ARID4A: variants seen among roughly 807,000 people sequenced by gnomAD.
ARID4A encodes the protein AT-rich interactive domain-containing protein 4A.
In ARID4A, 39 loss-of-function variants were observed where a neutral mutation model predicts 148.6. The observed-to-expected ratio is 0.26, with a 90% CI of 0.20 to 0.34. The LOEUF (loss-of-function observed/expected upper bound fraction) is 0.34, where lower values mean the gene tolerates loss of function less well. Among genes scored for constraint, ARID4A ranks in the 10% least tolerant of loss-of-function variants. ARID4A has a pLI of 1.00. For synonymous variants in ARID4A, 475 were observed against 481.2 expected, an observed-to-expected ratio of 0.99 and a Z score of 0.17; for missense variants, 1,265 against 1,449.1, an observed-to-expected ratio of 0.87 and a Z score of 2.06.
At chr14:58,314,534 T>A (rs73308787) in intron 5 of ARID4A, among the ~76,000 whole-genome samples, 2,609 of 152,310 alleles carry the variant, frequency 0.017, 85 homozygotes, top group African/African-American at 0.059. Context: ...CATGTGATCC[T>A]CCTACCTCAG....
chr14:58,323,721 G>A, intron 8 of ARID4A, 104 bp downstream of exon 8: 5 of 971,390 alleles, frequency 5.1e-6, no homozygotes, highest in Non-Finnish European at 7.7e-6. Flanking sequence ...AAACAAATTT[G>A]GACTTTATTG....
At chr14:58,344,601 T>C in intron 11 of ARID4A, 94 bp from the exon 12 acceptor site, 3 of 838,678 alleles carry the variant, frequency 3.6e-6, no homozygotes, top group Non-Finnish European at 5.5e-6. Flanking sequence ...TTTATTAAAA[T>C]TTGATGACTT....
chr14:58,310,532 C>G (rs1351167931), intron 5 of ARID4A, among the ~76,000 whole-genome samples: 4 of 152,102 alleles, frequency 2.6e-5, no homozygotes, highest in Admixed American at 6.6e-5. Flanking sequence ...AGGACAGTCT[C>G]TTCGTAAATG....
intron 12 of ARID4A, 123 bp from the exon 13 acceptor site, chr14:58,346,288 G>T (rs1417764485): frequency 2.3e-5 from 13 of 562,476 alleles, no homozygotes; most frequent in Non-Finnish European, 3.7e-5. Context: ...CATTGTTTAA[G>T]GCTCTTTAAA....
chr14:58,341,390 T>C (rs925706031), intron 11 of ARID4A, among the ~76,000 whole-genome samples: 2 of 152,260 alleles, frequency 1.3e-5, no homozygotes, highest in Non-Finnish European at 2.9e-5. Context: ...GCCCATTTGC[T>C]GTAGCTCCAG....
At position 58,365,233 on chromosome 14, in the gene ARID4A, A is replaced by T; in HGVS notation, c.3144A>T (p.Gly1048=). The T allele has an allele frequency of 6.2e-7, 1 of 1,614,098 alleles. No individual in the cohort carries two copies. The highest frequency in any genetic ancestry group is 8.5e-7 in the Non-Finnish European group (1 of 1,179,990). Residue 1048 remains glycine, a synonymous_variant, in exon 20 of 24, where the codon GGA becomes GGT. Coordinates refer to ENST00000355431, the MANE Select transcript of ARID4A (RefSeq NM_002892.4). ...EGLCERESAN[G]FETNVASGTC... The stretch of plus-strand genomic sequence containing the variant: ...TCTGTGAGAGGGAATCGGCAAATGG[A>T]TTTGAAACTAATGTTGCCTCTGGTA...
intron 4 of ARID4A, among the ~76,000 whole-genome samples, chr14:58,305,787 T>C (rs907055121): frequency 2.6e-5 from 4 of 152,174 alleles, no homozygotes; most frequent in African/African-American, 9.7e-5. Flanking sequence ...TGAACGGCAA[T>C]TTTCAGTGTG....
In ARID4A at chr14:58,372,739, G is replaced by A. The variant is rs2035664293; in HGVS notation, c.*750G>A. ...TGTCTTTTTTCTATGTAATTTCAGA[G>A]TTTTTATTTTGTTACAAAAAGACAA... On this transcript the variant is annotated 3_prime_UTR_variant, in exon 24 of 24. Transcript: ENST00000355431. 1 of 182,666 alleles carries A rather than the reference G, an allele frequency of 5.5e-6. No homozygotes were observed. The highest frequency in any genetic ancestry group is 6.3e-5 in the Admixed American group (1 of 15,920). 11.3% of individuals were successfully genotyped at this position (182,666 alleles called of 1,614,324 possible).
intron 11 of ARID4A, among the ~76,000 whole-genome samples, chr14:58,341,472 A>G (rs1242702440): frequency 1.3e-5 from 2 of 152,188 alleles, no homozygotes; most frequent in Non-Finnish European, 2.9e-5. Context: ...AAAACCATTC[A>G]TTCCCTCACT....
intron 5 of ARID4A, among the ~76,000 whole-genome samples, chr14:58,317,140 C>G (rs1223521639): frequency 3.5e-5 from 5 of 142,338 alleles, no homozygotes; most frequent in Non-Finnish European, 6.1e-5. Context: ...TTGCAGTGAG[C>G]TGAGATCGCG....
intron 19 of ARID4A, among the ~76,000 whole-genome samples, chr14:58,363,520 C>CA (rs1466753065): frequency 6.6e-6 from 1 of 151,924 alleles, no homozygotes; most frequent in Non-Finnish European, 1.5e-5. Context: ...GCCAACATAG[C>CA]AAAACCCCAT....
At chr14:58,363,996 C>T (rs950458628) in intron 19 of ARID4A, among the ~76,000 whole-genome samples, 174 bp from the exon 20 acceptor site, 1 of 152,120 alleles carries the variant, frequency 6.6e-6, no homozygotes, top group African/African-American at 2.4e-5. Context: ...TTCCCCTCCC[C>T]CTCAAATTCT....
intron 2 of ARID4A, 43 bp from the exon 3 acceptor site, chr14:58,301,537 A>C (rs2031169352): frequency 2.9e-6 from 4 of 1,388,046 alleles, no homozygotes; most frequent in Non-Finnish European, 4.1e-6. Context: ...TGGAGTAGGG[A>C]GGCATAGTAA....
rs772632539 is a variant in ARID4A at position 58,365,212 on chromosome 14, T to G, written c.3123T>G (p.Cys1041Trp). 6.2e-7 allele frequency: 1 copy of G among 1,614,106 alleles called. No individual in the cohort carries two copies. The highest frequency in any genetic ancestry group is 1.1e-5 in the South Asian group (1 of 91,082). ...CTGAAGAATCTCAAGAAGGTCTCTG[T>G]GAGAGGGAATCGGCAAATGGATTTG... ...SIAEESQEGL[C>W]ERESANGFET... is the part of the protein sequence containing the mutation. Residue 1041 changes from cysteine to tryptophan, a missense_variant, in exon 20 of 24, where the codon TGT (cysteine) becomes TGG (tryptophan). Physicochemically the swap from Cys to Trp is radical, Grantham distance 215. Transcript: ENST00000355431.
intron 5 of ARID4A, among the ~76,000 whole-genome samples, chr14:58,317,708 T>C (rs1267360072): frequency 2.2e-5 from 3 of 139,084 alleles, no homozygotes; most frequent in Non-Finnish European, 1.5e-5. Flanking sequence ...CTAACCATGG[T>C]TGAGCCTTGG....
intron 5 of ARID4A, among the ~76,000 whole-genome samples, chr14:58,312,628 A>G (rs1171425128): frequency 6.6e-6 from 1 of 152,238 alleles, no homozygotes; most frequent in Admixed American, 6.5e-5. Flanking sequence ...TTTGTTAATC[A>G]TAACTGCTGT....
At chr14:58,322,314 A>G (rs780179801) in intron 7 of ARID4A, among the ~76,000 whole-genome samples, 28 of 152,164 alleles carry the variant, frequency 1.8e-4, no homozygotes, top group Non-Finnish European at 3.8e-4. Context: ...TACTCAGGAC[A>G]TGATATATAT....
At chr14:58,324,509 G>A (rs2033108971) in intron 8 of ARID4A, among the ~76,000 whole-genome samples, 1 of 152,060 alleles carries the variant, frequency 6.6e-6, no homozygotes, top group Non-Finnish European at 1.5e-5. Flanking sequence ...TCAAACTCCT[G>A]GGCTCAAGCA....
intron 21 of ARID4A, 151 bp downstream of exon 21, chr14:58,365,773 CT>C: frequency 1.3e-6 from 1 of 757,580 alleles, no homozygotes; most frequent in Non-Finnish European, 2.0e-6. Flanking sequence ...CATTTTTATT[CT>C]TAGGAACTCT....
Sources: gnomAD v4.1 joint callset for allele counts (sites outside exome capture counted in the v4.1 genomes callset) on GRCh38, gnomAD v4.1.1 for gene constraint, MANE v1.5 for transcripts, NCBI Gene and HGNC (gene_info 2026-07-23, HGNC 2026-07-21) for gene names.